The following ARMH4 variants were observed in gnomAD, a reference collection of about 807,000 sequenced individuals.
ARMH4 encodes the protein armadillo like helical domain containing 4.
Under a neutral mutation model 61.9 loss-of-function variants are expected in ARMH4, and 49 were observed. The ratio of observed to expected loss-of-function variants is 0.79; its 90% CI spans 0.63 to 1.00. The LOEUF (loss-of-function observed/expected upper bound fraction) is 1.00, where lower values mean the gene tolerates loss of function less well. Ranked by LOEUF, ARMH4 falls within the 50% of genes least tolerant of loss-of-function variation. The pLI, the probability that ARMH4 is intolerant of heterozygous loss-of-function variation, is 0.00. For synonymous variants in ARMH4, 368 were observed against 341.5 expected (o/e 1.08, Z -0.85); for missense variants, 934 against 930.0 (o/e 1.00, Z -0.06).
chr14:58,137,912 T>C lies in ARMH4; in HGVS notation c.1369+78A>G, dbSNP rs1349901161. ...TGCTTTTCATTAAAACTTCAACCTATTTCTAAATTGCCATTAAAAAAAAAA... is the reference window on the plus strand; with the variant it reads ...TGCTTTTCATTAAAACTTCAACCTACTTCTAAATTGCCATTAAAAAAAAAA... On this transcript the variant is annotated intron_variant, in intron 2 of 7. Transcript: ENST00000267485. The C allele has an allele frequency of 8.6e-6, 12 of 1,390,928 alleles. No homozygotes were observed. Among genetic ancestry groups the C allele is most frequent in the African/African-American group, 1.4e-5 (1 of 69,382 alleles). 86.2% of individuals were successfully genotyped at this position (1,390,928 alleles called of 1,614,324 possible).
chr14:58,080,134 A>ATAT (rs1566570790), intron 5 of ARMH4, among the ~76,000 whole-genome samples: 36 of 149,004 alleles, frequency 2.4e-4, no homozygotes, highest in African/African-American at 7.7e-4. Flanking sequence ...TATATATATA[A>ATAT]AATTTTTTTT....
rs140970878 is a variant in ARMH4 at position 58,138,772 on chromosome 14, C to A, written c.587G>T (p.Ser196Ile). ...YMDNQSFATESQEGVGLGHSP... is the reference protein window; with the variant it reads ...YMDNQSFATEIQEGVGLGHSP... ...ATGTCCCAAACCAACTCCTTCCTGACTTTCAGTTGCAAATGATTGATTATC... is the reference window on the plus strand; with the variant it reads ...ATGTCCCAAACCAACTCCTTCCTGAATTTCAGTTGCAAATGATTGATTATC... Residue 196 changes from serine (S) to isoleucine (I), a missense_variant, in exon 2 of 8, where the codon AGT becomes ATT. Ser to Ile is a moderately radical substitution (Grantham distance 142, BLOSUM62 -2). Coordinates refer to ENST00000267485, the MANE Select transcript of ARMH4 (RefSeq NM_001001872.4). The A allele has an allele frequency of 1.3e-5, 21 of 1,614,234 alleles. No individual in the cohort carries two copies. In the African/African-American group the frequency reaches 2.5e-4, roughly 19 times the overall value.
At chr14:58,038,573 AAAAG>A (rs989875065) in intron 5 of ARMH4, among the ~76,000 whole-genome samples, 9 of 151,736 alleles carry the variant, frequency 5.9e-5, no homozygotes, top group South Asian at 2.1e-4. Flanking sequence ...TAAAAAAAAA[AAAAG>A]AAATACTTAA....
At position 58,137,435 on chromosome 14, in the gene ARMH4, T is replaced by C. The variant is rs1887342037; in HGVS notation, c.1369+555A>G. Among the ~76,000 whole-genome samples the C allele has an allele frequency of 2.6e-5, 4 of 152,188 alleles. No homozygotes were observed. In the South Asian group the frequency reaches 6.2e-4, roughly 24 times the overall value. On this transcript the variant is annotated intron_variant, in intron 2 of 7. Coordinates refer to ENST00000267485, the MANE Select transcript of ARMH4 (RefSeq NM_001001872.4). ...TTTTTGAGAGGGAGTTTCACTCTTG[T>C]CACCCAGGCTGGAGTGCAGTGGTAC... is the stretch of plus-strand genomic sequence containing the variant.
At chr14:58,122,509 A>G (rs772742487) in intron 4 of ARMH4, among the ~76,000 whole-genome samples, 2 of 152,180 alleles carry the variant, frequency 1.3e-5, no homozygotes, top group Non-Finnish European at 2.9e-5. Context: ...TTAGAAAAAA[A>G]CTTCAAAAGT....
intron 4 of ARMH4, among the ~76,000 whole-genome samples, chr14:58,125,749 G>A (rs956331112): frequency 6.6e-6 from 1 of 152,198 alleles, no homozygotes; most frequent in African/African-American, 2.4e-5. Context: ...CAATTCAGCA[G>A]GAAGCAGTTA....
At chr14:58,045,207 C>A (rs1438503518) in intron 5 of ARMH4, among the ~76,000 whole-genome samples, 1 of 152,156 alleles carries the variant, frequency 6.6e-6, no homozygotes, top group African/African-American at 2.4e-5. Flanking sequence ...GACCTGGAAC[C>A]AACCCAAATG....
At chr14:58,049,531 G>A (rs1884065662) in intron 5 of ARMH4, among the ~76,000 whole-genome samples, 1 of 152,114 alleles carries the variant, frequency 6.6e-6, no homozygotes, top group Non-Finnish European at 1.5e-5. Context: ...TTTCTCTGGG[G>A]TGATTCAATC....
intron 5 of ARMH4, among the ~76,000 whole-genome samples, chr14:58,095,296 A>G (rs558706401): frequency 1.3e-5 from 2 of 152,362 alleles, no homozygotes; most frequent in East Asian, 1.9e-4. Flanking sequence ...TGATACCTCC[A>G]TAGTATAAAG....
intron 2 of ARMH4, 91 bp from the exon 3 acceptor site, chr14:58,133,432 G>A: frequency 8.1e-7 from 1 of 1,237,322 alleles, no homozygotes; most frequent in Non-Finnish European, 1.1e-6. Context: ...TGGGGGGAGG[G>A]GAGCAGATGC....
At chr14:58,067,334 C>T (rs916457641) in intron 5 of ARMH4, among the ~76,000 whole-genome samples, 2 of 152,180 alleles carry the variant, frequency 1.3e-5, no homozygotes, top group Non-Finnish European at 2.9e-5. Flanking sequence ...AACAAAGTGT[C>T]TGCCCTCCTG....
At chr14:58,053,327 T>C (rs1328052754) in intron 5 of ARMH4, among the ~76,000 whole-genome samples, 1 of 152,218 alleles carries the variant, frequency 6.6e-6, no homozygotes. Context: ...CGGCACCCCA[T>C]TGCTCACAGC....
intron 4 of ARMH4, among the ~76,000 whole-genome samples, chr14:58,104,661 G>C (rs1466356452): frequency 6.6e-6 from 1 of 152,112 alleles, no homozygotes; most frequent in Non-Finnish European, 1.5e-5. Flanking sequence ...AACAAAAAAA[G>C]ATATTATCAC....
chr14:58,039,461 A>G (rs1311081045), intron 5 of ARMH4, among the ~76,000 whole-genome samples: 2 of 152,192 alleles, frequency 1.3e-5, no homozygotes, highest in African/African-American at 4.8e-5. Flanking sequence ...GCATTTTTAC[A>G]ACACTTTACC....
chr14:58,057,554 G>T (rs1379894947), intron 5 of ARMH4, among the ~76,000 whole-genome samples: 1 of 135,290 alleles, frequency 7.4e-6, no homozygotes, highest in Non-Finnish European at 1.5e-5. Flanking sequence ...CTTCCAAAGG[G>T]TGTGTGTGTG....
intron 5 of ARMH4, among the ~76,000 whole-genome samples, chr14:58,094,510 T>C (rs1028758008): frequency 6.6e-6 from 1 of 152,100 alleles, no homozygotes; most frequent in African/African-American, 2.4e-5. Context: ...GAGCAAAACA[T>C]GGTATATCCA....
At chr14:58,062,441 G>C (rs1269756292) in intron 5 of ARMH4, among the ~76,000 whole-genome samples, 1 of 152,190 alleles carries the variant, frequency 6.6e-6, no homozygotes, top group East Asian at 1.9e-4. Context: ...TCCCAGGAAA[G>C]GCTTAACAGA....
At chr14:58,033,584 T>G (rs1883353103) in intron 5 of ARMH4, among the ~76,000 whole-genome samples, 1 of 6,798 alleles carries the variant, frequency 1.5e-4, no homozygotes, top group Non-Finnish European at 3.9e-4. Flanking sequence ...AGAAGAAGGC[T>G]TCAGACGATC....
At chr14:58,098,557 G>T (rs1321262747) in intron 4 of ARMH4, among the ~76,000 whole-genome samples, 1 of 152,204 alleles carries the variant, frequency 6.6e-6, no homozygotes, top group Non-Finnish European at 1.5e-5. Flanking sequence ...ACAAGGTAAA[G>T]TTTGAACAGA....
Sources: allele counts gnomAD v4.1 joint callset (sites outside exome capture counted in the v4.1 genomes callset), GRCh38; gene constraint gnomAD v4.1.1; transcripts MANE v1.5; gene names NCBI Gene and HGNC (gene_info 2026-07-23, HGNC 2026-07-21).